Variants in AGO3 observed in about 807,000 individuals in gnomAD.
AGO3 encodes argonaute RISC catalytic component 3, also known as protein argonaute-3.
AGO3 carries 16 observed loss-of-function variants against 105.5 expected under a neutral mutation model. The observed-to-expected ratio is 0.15, with a 90% CI of 0.10 to 0.23. The LOEUF is 0.23. Ranked by LOEUF, AGO3 falls within the 10% of genes least tolerant of loss-of-function variation. The pLI, the probability that AGO3 is intolerant of heterozygous loss-of-function variation, is 1.00. For synonymous variants in AGO3, 340 were observed against 367.3 expected (o/e 0.93, Z 0.85); for missense variants, 534 against 1,088.0 (o/e 0.49, Z 7.16).
intron 11 of AGO3, among the ~76,000 whole-genome samples, chr1:36,024,069 A>T (rs916831109): frequency 6.7e-6 from 1 of 150,266 alleles, no homozygotes; most frequent in Admixed American, 6.6e-5. Flanking sequence ...GATTTCCTGT[A>T]CCTTTATGCT....
At chr1:35,968,466 A>G (rs1055688943) in intron 3 of AGO3, among the ~76,000 whole-genome samples, 5 of 152,124 alleles carry the variant, frequency 3.3e-5, no homozygotes, top group African/African-American at 1.2e-4. Context: ...GGCAACCACC[A>G]TAGTACTTTC....
intron 17 of AGO3, among the ~76,000 whole-genome samples, chr1:36,054,390 AG>A (rs1642845334): frequency 6.6e-6 from 1 of 151,804 alleles, no homozygotes; most frequent in South Asian, 2.1e-4. Context: ...TGCCTGCCTC[AG>A]CCTCCCAAGT....
At chr1:35,974,032 C>T (rs535330305) in intron 5 of AGO3, among the ~76,000 whole-genome samples, 13 of 152,218 alleles carry the variant, frequency 8.5e-5, no homozygotes, top group South Asian at 2.1e-4. Context: ...TCTACCTTTG[C>T]GTAATCCGAG....
chr1:36,019,258 G>A (rs1269160438), intron 11 of AGO3, among the ~76,000 whole-genome samples: 2 of 152,144 alleles, frequency 1.3e-5, no homozygotes, highest in Non-Finnish European at 2.9e-5. Flanking sequence ...ATAAGATACA[G>A]AAGGTTCTGT....
Position 36,071,851 on chromosome 1 carries a change from A to G in AGO3, c.*16106A>G, listed in dbSNP as rs1643170631. 6.6e-6 allele frequency: 1 copy of G among 152,190 alleles called. No individual in the cohort carries two copies. Among genetic ancestry groups the G allele is most frequent in the Non-Finnish European group, 1.5e-5 (1 of 68,028 alleles). The allele number at this position is 152,190 out of a possible 1,614,324, so 9.4% of individuals were successfully genotyped here. On this transcript the variant is annotated 3_prime_UTR_variant, in exon 19 of 19. Coordinates refer to ENST00000373191, the MANE Select transcript of AGO3 (RefSeq NM_024852.4). Reference sequence around the variant, plus strand: ...TATTTTAAGAGGAAATTGAAACTTTATGGTGGAGAATGGATGAGAGCAAGT... The same window carrying G: ...TATTTTAAGAGGAAATTGAAACTTTGTGGTGGAGAATGGATGAGAGCAAGT...
chr1:35,993,333 T>C (rs1249338358), intron 5 of AGO3, among the ~76,000 whole-genome samples: 2 of 151,958 alleles, frequency 1.3e-5, no homozygotes, highest in Admixed American at 1.3e-4. Context: ...TGAAGCCAAC[T>C]GTTGGTTATT....
chr1:35,969,640 A>G (rs555415720), intron 3 of AGO3, among the ~76,000 whole-genome samples: 4 of 152,300 alleles, frequency 2.6e-5, no homozygotes, highest in East Asian at 3.9e-4. Context: ...GGGGAATACA[A>G]TCCTGCATCA....
intron 1 of AGO3, among the ~76,000 whole-genome samples, chr1:35,943,595 C>G (rs1646298432): frequency 6.8e-6 from 1 of 148,070 alleles, no homozygotes; most frequent in Non-Finnish European, 1.5e-5. Flanking sequence ...GCCACCACCC[C>G]CAGCCCTTTT....
chr1:35,952,474 T>C lies in AGO3; in HGVS notation c.191+6611T>C, dbSNP rs368714218. 9.2e-5 allele frequency among the ~76,000 whole-genome samples: 14 copies of C among 152,306 alleles called. No individual in the cohort carries two copies. The East Asian group carries it at 1.5e-3, about 17-fold the overall frequency. The stretch of plus-strand genomic sequence containing the variant: ...TTCTTATAAATGGAATCATATACCA[T>C]GTGGCCTTTTGTGACTGGCTTCTTT... On this transcript the variant is annotated intron_variant, in intron 2 of 18. Coordinates refer to ENST00000373191, the MANE Select transcript of AGO3 (RefSeq NM_024852.4).
In AGO3 at chr1:36,058,718, T is replaced by C. The variant is rs1484290769; in HGVS notation, c.*2973T>C. The C allele has an allele frequency of 1.3e-5, 2 of 152,208 alleles. No individual in the cohort carries two copies. Among genetic ancestry groups the C allele is most frequent in the East Asian group, 3.8e-4 (2 of 5,202 alleles). 9.4% of individuals were successfully genotyped at this position (152,208 alleles called of 1,614,324 possible). A position where few individuals can be genotyped will look rare whatever the true frequency, so the allele number is the denominator to read the frequency against. Reference sequence around the variant, plus strand: ...GTTTATTATTTTGAAGTGTCTGAAATGCAATTTACAACACTGTTGCAAAGA... The same window carrying C: ...GTTTATTATTTTGAAGTGTCTGAAACGCAATTTACAACACTGTTGCAAAGA... On this transcript the variant is annotated 3_prime_UTR_variant, in exon 19 of 19. Coordinates refer to ENST00000373191, the MANE Select transcript of AGO3 (RefSeq NM_024852.4).
At chr1:35,989,207 A>G (rs1647385334) in intron 5 of AGO3, among the ~76,000 whole-genome samples, 1 of 152,224 alleles carries the variant, frequency 6.6e-6, no homozygotes, top group Admixed American at 6.5e-5. Context: ...GGTGATGGAA[A>G]TAAGCATGGA....
rs1199393818 is a variant in AGO3, at chr1:36,066,936, C to A, written c.*11191C>A. 1 of 152,186 alleles carries A rather than the reference C, an allele frequency of 6.6e-6. No individual in the cohort carries two copies. The highest frequency in any genetic ancestry group is 2.1e-4 in the South Asian group (1 of 4,830). 9.4% of individuals were successfully genotyped at this position (152,186 alleles called of 1,614,324 possible). On this transcript the variant is annotated 3_prime_UTR_variant, in exon 19 of 19. Coordinates refer to ENST00000373191, the MANE Select transcript of AGO3 (RefSeq NM_024852.4). ...TTGAACCTACAGAAGAGACCTAAGA[C>A]GAGCGTCTCTGTAATCTAAATTTAT... is the stretch of plus-strand genomic sequence containing the variant.
rs758802465 is a variant in AGO3, at chr1:36,004,294, T to C, written c.659-47T>C. 6 of 1,564,640 alleles carry C rather than the reference T, an allele frequency of 3.8e-6. No homozygotes were observed. In the African/African-American group the frequency reaches 8.2e-5, roughly 21 times the overall value. Reference sequence around the variant, plus strand: ...TGGAGCCTAAGATGAAGTTTCTGAATTTTTTAGGGAAACATTAATTTGTAT... The same window carrying C: ...TGGAGCCTAAGATGAAGTTTCTGAACTTTTTAGGGAAACATTAATTTGTAT... On this transcript the variant is annotated intron_variant, in intron 5 of 18. Coordinates refer to ENST00000373191, the MANE Select transcript of AGO3 (RefSeq NM_024852.4).
In AGO3 at chr1:36,053,745, A is replaced by ATTTTT. The variant is rs71034711; in HGVS notation, c.2275-1181_2275-1177dup. 4.4e-3 allele frequency among the ~76,000 whole-genome samples: 360 copies of ATTTTT among 81,292 alleles called. 10 individuals are homozygous for ATTTTT. The highest frequency in any genetic ancestry group is 0.016 in the African/African-American group (334 of 20,934). The allele number at this position is 81,292 out of a possible 152,430, so 53.3% of individuals were successfully genotyped here. A position where few individuals can be genotyped will look rare whatever the true frequency, so the allele number is the denominator to read the frequency against. On this transcript the variant is annotated intron_variant, in intron 17 of 18. Coordinates refer to ENST00000373191, the MANE Select transcript of AGO3 (RefSeq NM_024852.4). ...AGGTCCACACCACCACACCTGGCTA[A>ATTTTT]TTTTTTTTTTTTTTTTTTTTTTTTG...
chr1:36,069,907 AT>A lies in AGO3; in HGVS notation c.*14164del, dbSNP rs1297381504. 7.2e-5 allele frequency: 11 copies of A among 152,310 alleles called. No homozygotes were observed. The highest frequency in any genetic ancestry group is 2.4e-4 in the African/African-American group (10 of 41,558). The allele number at this position is 152,310 out of a possible 1,614,324, so 9.4% of individuals were successfully genotyped here. On this transcript the variant is annotated 3_prime_UTR_variant, in exon 19 of 19. Transcript: ENST00000373191. ...CCCCGTCTCTACTAAAGATACAAAA[AT>A]TAGCTGGGCACGATGGAGGGTGCCT...
At chr1:36,039,105 A>G (rs184063250) in intron 14 of AGO3, among the ~76,000 whole-genome samples, 2 of 152,320 alleles carry the variant, frequency 1.3e-5, no homozygotes, top group Non-Finnish European at 1.5e-5. Flanking sequence ...TGTTAAATGT[A>G]TAGTTCAGCC....
At chr1:35,971,754 T>C (rs1646875121) in intron 3 of AGO3, among the ~76,000 whole-genome samples, 1 of 152,186 alleles carries the variant, frequency 6.6e-6, no homozygotes, top group African/African-American at 2.4e-5. Context: ...ATTTATTCCA[T>C]GGCAGTTTCA....
chr1:36,042,136 G>A (rs1642275806), intron 16 of AGO3, among the ~76,000 whole-genome samples: 1 of 152,054 alleles, frequency 6.6e-6, no homozygotes, highest in African/African-American at 2.4e-5. Flanking sequence ...CCAGGCTGGA[G>A]TGCAGTGGCA....
At chr1:35,937,847 G>A (rs957502976) in intron 1 of AGO3, among the ~76,000 whole-genome samples, 1 of 152,174 alleles carries the variant, frequency 6.6e-6, no homozygotes. Context: ...TTAGCAGGTA[G>A]GAGGTTCCTG....
Sources: gnomAD v4.1 joint callset for allele counts (sites outside exome capture counted in the v4.1 genomes callset) on GRCh38, gnomAD v4.1.1 for gene constraint, MANE v1.5 for transcripts, NCBI Gene and HGNC (gene_info 2026-07-23, HGNC 2026-07-21) for gene names.